DCLRE1C: variants seen among roughly 807,000 people sequenced by gnomAD.
DCLRE1C encodes protein artemis.
In DCLRE1C, 47 loss-of-function variants were observed where a neutral mutation model predicts 61.4. The ratio of observed to expected loss-of-function variants is 0.77; its 90% CI spans 0.61 to 0.98. The LOEUF (loss-of-function observed/expected upper bound fraction) is 0.98, where lower values mean the gene tolerates loss of function less well. Among genes scored for constraint, DCLRE1C ranks in the 50% least tolerant of loss-of-function variants. The probability of loss-of-function intolerance (pLI) is 0.00; values close to 1 mark genes in which losing one functional copy is unlikely to be tolerated. For synonymous variants in DCLRE1C, 337 were observed against 287.6 expected, an observed-to-expected ratio of 1.17 and a Z score of -1.74; for missense variants, 858 against 816.0, an observed-to-expected ratio of 1.05 and a Z score of -0.63.
intron 11 of DCLRE1C, chr10:14,923,384 C>G (rs192210758): frequency 3.7e-4 from 112 of 303,246 alleles, no homozygotes; most frequent in African/African-American, 2.0e-3. Context: ...TTTTTTTTCT[C>G]TTTTTTAATA....
At chr10:14,941,625 A>G (rs1840878058) in intron 3 of DCLRE1C, among the ~76,000 whole-genome samples, 1 of 152,126 alleles carries the variant, frequency 6.6e-6, no homozygotes, top group Non-Finnish European at 1.5e-5. Context: ...TTTATCGTAC[A>G]ATTTCCTTTT....
intron 9 of DCLRE1C, 93 bp from the exon 10 acceptor site, chr10:14,928,245 AG>A: frequency 8.8e-7 from 1 of 1,130,010 alleles, no homozygotes. Flanking sequence ...AAAAGTTTCC[AG>A]ACACGAAAAA....
At chr10:14,923,838 AAC>A (rs1374851129) in intron 11 of DCLRE1C, among the ~76,000 whole-genome samples, 1 of 152,222 alleles carries the variant, frequency 6.6e-6, no homozygotes, top group Non-Finnish European at 1.5e-5. Flanking sequence ...CACCAAGGAA[AAC>A]ACAATGCAGT....
intron 9 of DCLRE1C, among the ~76,000 whole-genome samples, chr10:14,931,942 G>A (rs1387540456): frequency 6.6e-6 from 1 of 152,160 alleles, no homozygotes; most frequent in Non-Finnish European, 1.5e-5. Context: ...GCTGAGGCAG[G>A]AGAATCGCTT....
chr10:14,942,522 CTA>C (rs922104671), intron 3 of DCLRE1C: 1 of 152,196 alleles, frequency 6.6e-6, no homozygotes, highest in Admixed American at 6.5e-5. Flanking sequence ...CGTGCACACA[CTA>C]TGTGTGCATA....
downstream of DCLRE1C, chr10:14,901,107 A>G: frequency 6.2e-7 from 1 of 1,612,480 alleles, no homozygotes; most frequent in Non-Finnish European, 8.5e-7. Flanking sequence ...GTTTGTACTT[A>G]AATGGGTTCT....
intron 8 of DCLRE1C, among the ~76,000 whole-genome samples, chr10:14,933,167 G>C (rs907955038): frequency 6.6e-6 from 1 of 152,150 alleles, no homozygotes; most frequent in Non-Finnish European, 1.5e-5. Context: ...CATCACTGAC[G>C]TCAGTGAACA....
Position 14,945,807 on chromosome 10 carries a change from C to T in DCLRE1C, c.162-618G>A, listed in dbSNP as rs565545491. Among the ~76,000 whole-genome samples the T allele has an allele frequency of 5.3e-5, 8 of 151,196 alleles. No homozygotes were observed. The South Asian group carries it at 8.4e-4, about 16-fold the overall frequency. ...CCGAGTAGCTGGGATTACAAGCACG[C>T]GCCATGATGCCGGACTAATTTTTGT... is the stretch of plus-strand genomic sequence containing the variant. On this transcript the variant is annotated intron_variant, in intron 2 of 13. Transcript: ENST00000378278.
chr10:14,944,805 G>A (rs1317941702), intron 3 of DCLRE1C, among the ~76,000 whole-genome samples: 1 of 150,618 alleles, frequency 6.6e-6, no homozygotes, highest in Non-Finnish European at 1.5e-5. Flanking sequence ...CTCACAAGTA[G>A]CTGGGACTAC....
rs1325583812 is a variant in DCLRE1C, at chr10:14,908,739, T to C, written c.1748A>G (p.Lys583Arg). The C allele has an allele frequency of 1.9e-6, 3 of 1,614,108 alleles. No individual in the cohort carries two copies. The highest frequency in any genetic ancestry group is 2.2e-5 in the East Asian group (1 of 44,896). The change falls in exon 14 of 14, where the codon AAA (lysine) becomes AGA (arginine). Residue 583 changes from lysine (K) to arginine (R), a missense_variant. Lys to Arg is a conservative substitution (Grantham distance 26). Coordinates refer to ENST00000378278, the MANE Select transcript of DCLRE1C (RefSeq NM_001033855.3). Reference sequence around the variant, plus strand: ...CATGAGAGAGGCAGGAATATTCTCTTTGATTGTTGGTCTGTAGTCAGCTTT... The same window carrying C: ...CATGAGAGAGGCAGGAATATTCTCTCTGATTGTTGGTCTGTAGTCAGCTTT... ...LDKADYRPTI[K>R]ENIPASLMEQ...
At chr10:14,953,778 T>G (rs1282305435) in intron 1 of DCLRE1C, 124 bp downstream of exon 1, 1 of 1,386,234 alleles carries the variant, frequency 7.2e-7, no homozygotes, top group Non-Finnish European at 9.9e-7. Context: ...GGACAAGGCG[T>G]GTGCTGGCCG....
chr10:14,910,190 G>A (rs1399222900), intron 13 of DCLRE1C, among the ~76,000 whole-genome samples: 3 of 152,258 alleles, frequency 2.0e-5, no homozygotes, highest in African/African-American at 7.2e-5. Flanking sequence ...CCCGTGTGAA[G>A]CTAGGCCCAG....
In DCLRE1C at chr10:14,908,716, T is replaced by G; in HGVS notation, c.1771A>C (p.Met591Leu). ...TTTGGGCAAATTACATTTTGTTCCA[T>G]GAGAGAGGCAGGAATATTCTCTTTG... is the stretch of plus-strand genomic sequence containing the variant. ...TIKENIPASL[M>L]EQNVICPKDT... Residue 591 changes from methionine to leucine, a missense_variant, in exon 14 of 14, where the codon ATG (methionine) becomes CTG (leucine). Around this residue, in one of 2 missense-constraint regions of DCLRE1C, gnomAD observed 843 missense variants for 783.5 expected, o/e 1.08. Transcript: ENST00000378278. 6.2e-7 allele frequency: 1 copy of G among 1,614,248 alleles called. No individual in the cohort carries two copies. Among genetic ancestry groups the G allele is most frequent in the Non-Finnish European group, 8.5e-7 (1 of 1,180,046 alleles).
chr10:14,947,230 AC>A, intron 2 of DCLRE1C, among the ~76,000 whole-genome samples: 6 of 151,968 alleles, frequency 3.9e-5, no homozygotes, highest in Non-Finnish European at 7.4e-5. Context: ...AAACAAACAA[AC>A]AAACAAACAA....
chr10:14,909,973 T>G (rs569543871), intron 13 of DCLRE1C, among the ~76,000 whole-genome samples: 9 of 151,778 alleles, frequency 5.9e-5, no homozygotes, highest in Non-Finnish European at 1.2e-4. Flanking sequence ...AAAGCCTTAC[T>G]TAGAAAAACA....
chr10:14,952,144 C>G (rs1842544282), intron 1 of DCLRE1C, among the ~76,000 whole-genome samples: 1 of 152,348 alleles, frequency 6.6e-6, no homozygotes, highest in South Asian at 2.1e-4. Context: ...TTTCTCCAAA[C>G]TCAGCCATCC....
chr10:14,910,585 T>G (rs1835092659), intron 13 of DCLRE1C, among the ~76,000 whole-genome samples: 1 of 152,168 alleles, frequency 6.6e-6, no homozygotes, highest in South Asian at 2.1e-4. Flanking sequence ...TGAGCCACTT[T>G]GCCTAGCCCA....
At chr10:14,954,237 C>T (rs1274304861), upstream of DCLRE1C, 2 of 660,746 alleles carry the variant, frequency 3.0e-6, no homozygotes, top group Non-Finnish European at 5.2e-6. Context: ...CTTCGCTGCA[C>T]GCGATGGGCC....
In DCLRE1C at chr10:14,954,038, C is replaced by G. The variant is rs377430869; in HGVS notation, c.-28G>C. 3 of 1,613,452 alleles carry G rather than the reference C, an allele frequency of 1.9e-6. No individual in the cohort carries two copies. In the African/African-American group the frequency reaches 4.0e-5, roughly 22 times the overall value. ...CGCCGCCGATCCCAGAGTCCGGGACCCCAAAACCGCAGCTGAAGCCAAGGC... is the reference window on the plus strand; with the variant it reads ...CGCCGCCGATCCCAGAGTCCGGGACGCCAAAACCGCAGCTGAAGCCAAGGC... On this transcript the variant is annotated 5_prime_UTR_variant, in exon 1 of 14. Transcript: ENST00000378278.
Sources: allele counts gnomAD v4.1 joint callset (sites outside exome capture counted in the v4.1 genomes callset), GRCh38; gene constraint gnomAD v4.1.1; regional missense constraint gnomAD v4.1.1; transcripts MANE v1.5; gene names NCBI Gene and HGNC (gene_info 2026-07-23, HGNC 2026-07-21).